SNX3: variants seen among roughly 807,000 people sequenced by gnomAD.
The protein encoded by SNX3 is sorting nexin 3, also known as sorting nexin-3.
SNX3 carries 5 observed loss-of-function variants against 17.7 expected under a neutral mutation model. The observed-to-expected ratio is 0.28, with a 90% CI of 0.15 to 0.59. The LOEUF (loss-of-function observed/expected upper bound fraction) is 0.59. Among genes scored for constraint, SNX3 ranks in the 20% least tolerant of loss-of-function variants. The probability of loss-of-function intolerance (pLI) is 0.88; values close to 1 mark genes in which losing one functional copy is unlikely to be tolerated. For missense variants in SNX3, 132 were observed against 206.8 expected, an observed-to-expected ratio of 0.64 and a Z score of 2.22; for synonymous variants, 91 against 76.5, an observed-to-expected ratio of 1.19 and a Z score of -0.99.
intron 1 of SNX3, among the ~76,000 whole-genome samples, chr6:108,223,716 T>C (rs1247747183): frequency 2.0e-5 from 3 of 151,658 alleles, no homozygotes; most frequent in Non-Finnish European, 4.4e-5. Flanking sequence ...GCCAGGCTGG[T>C]GGTCTCAAAC....
At chr6:108,244,144 TC>T (rs2114751481) in intron 1 of SNX3, among the ~76,000 whole-genome samples, 1 of 152,120 alleles carries the variant, frequency 6.6e-6, no homozygotes, top group African/African-American at 2.4e-5. Flanking sequence ...CCTCTCCAGT[TC>T]TCCCCCGCTT....
chr6:108,260,686 C>T, intron 1 of SNX3, 74 bp downstream of exon 1: 1 of 1,556,044 alleles, frequency 6.4e-7, no homozygotes, highest in Non-Finnish European at 8.8e-7. Context: ...CCGCGGGGGT[C>T]CACTCCCGGG....
At chr6:108,244,449 C>G (rs1775620552) in intron 1 of SNX3, among the ~76,000 whole-genome samples, 1 of 152,056 alleles carries the variant, frequency 6.6e-6, no homozygotes, top group Non-Finnish European at 1.5e-5. Flanking sequence ...GCCACTGTAC[C>G]TGGCCCCTCC....
intron 1 of SNX3, among the ~76,000 whole-genome samples, chr6:108,227,672 G>A (rs377522829): frequency 1.2e-4 from 18 of 152,304 alleles, no homozygotes; most frequent in African/African-American, 4.1e-4. Context: ...CTGCTTTAGA[G>A]TTTAAAGTCA....
chr6:108,227,351 C>T (rs902407219), intron 1 of SNX3, among the ~76,000 whole-genome samples: 2 of 152,160 alleles, frequency 1.3e-5, no homozygotes, highest in Non-Finnish European at 2.9e-5. Flanking sequence ...AATTTTCATA[C>T]TTCTGGGTAC....
chr6:108,255,208 C>G (rs1179656629), intron 1 of SNX3, among the ~76,000 whole-genome samples: 1 of 152,230 alleles, frequency 6.6e-6, no homozygotes, highest in South Asian at 2.1e-4. Flanking sequence ...TAATAGCATG[C>G]TTCTCCTTGA....
chr6:108,246,628 T>C (rs561713030), intron 1 of SNX3, among the ~76,000 whole-genome samples: 5 of 151,234 alleles, frequency 3.3e-5, no homozygotes, highest in Non-Finnish European at 7.4e-5. Context: ...CTGTATCTCC[T>C]GCCTCCCTTT....
chr6:108,249,089 C>T (rs1352476633), intron 1 of SNX3, among the ~76,000 whole-genome samples: 3 of 152,148 alleles, frequency 2.0e-5, no homozygotes, highest in African/African-American at 7.2e-5. Context: ...GGTGTAATGG[C>T]TCACATCTGT....
chr6:108,257,963 A>C (rs1776079274), intron 1 of SNX3, among the ~76,000 whole-genome samples: 1 of 152,120 alleles, frequency 6.6e-6, no homozygotes, highest in Non-Finnish European at 1.5e-5. Flanking sequence ...GCTCTGTCTC[A>C]AAAAGAATAA....
At chr6:108,243,770 T>G (rs531032940) in intron 1 of SNX3, among the ~76,000 whole-genome samples, 1 of 152,054 alleles carries the variant, frequency 6.6e-6, no homozygotes, top group East Asian at 1.9e-4. Flanking sequence ...CCGTCTCTAC[T>G]GCAAATACAA....
intron 1 of SNX3, among the ~76,000 whole-genome samples, chr6:108,231,216 G>A (rs1775141200): frequency 6.6e-6 from 1 of 151,998 alleles, no homozygotes; most frequent in Non-Finnish European, 1.5e-5. Flanking sequence ...CTTCCGAGTA[G>A]CTGGGATTAC....
At chr6:108,260,633 C>T in intron 1 of SNX3, 127 bp downstream of exon 1, 1 of 1,068,410 alleles carries the variant, frequency 9.4e-7, no homozygotes, top group Non-Finnish European at 1.4e-6. Context: ...CGACCCCGGC[C>T]CGCCTCTGCA....
Position 108,260,943 on chromosome 6 carries a change from GCCGCGGGCTCCCTCCGCCCCCT to G in SNX3, c.-44_-23del, listed in dbSNP as rs758398711. ...CCATTTCGCTGTAGCTGCTGCCGCCGCCGCGGGCTCCCTCCGCCCCCTCCGCGTTCAGCCGCCGCCGCCGCCG... is the reference window on the plus strand; with the variant it reads ...CCATTTCGCTGTAGCTGCTGCCGCCGCCGCGTTCAGCCGCCGCCGCCGCCG... On this transcript the variant is annotated 5_prime_UTR_variant, in exon 1 of 4. Coordinates refer to ENST00000230085, the MANE Select transcript of SNX3 (RefSeq NM_003795.6). 1 of 1,544,834 alleles carries G rather than the reference GCCGCGGGCTCCCTCCGCCCCCT, an allele frequency of 6.5e-7. No individual in the cohort carries two copies. The highest frequency in any genetic ancestry group is 8.7e-7 in the Non-Finnish European group (1 of 1,147,468).
chr6:108,252,941 A>G (rs1006366545), intron 1 of SNX3, among the ~76,000 whole-genome samples: 11 of 152,200 alleles, frequency 7.2e-5, no homozygotes, highest in African/African-American at 2.4e-4. Flanking sequence ...CCCGGCCCTA[A>G]GAATAAACTT....
At position 108,216,521 on chromosome 6, in the gene SNX3, C is replaced by T. The variant is rs575857063; in HGVS notation, c.259-1899G>A. On this transcript the variant is annotated intron_variant, in intron 2 of 3. Transcript: ENST00000230085. ...AAAAACTGGGCATACAACAGAAGCT[C>T]AAATATCTGTTAAATGACCAACCAC... 5.8e-4 allele frequency among the ~76,000 whole-genome samples: 88 copies of T among 152,244 alleles called. 1 individual carries two copies. Among genetic ancestry groups the T allele is most frequent in the African/African-American group, 2.0e-3 (83 of 41,542 alleles).
intron 1 of SNX3, among the ~76,000 whole-genome samples, chr6:108,244,598 G>C (rs1373843490): frequency 6.6e-6 from 1 of 150,856 alleles, no homozygotes; most frequent in African/African-American, 2.4e-5. Flanking sequence ...ATCAATCTCT[G>C]GAATAACCAC....
At position 108,211,296 on chromosome 6, in the gene SNX3, T is replaced by C. The variant is rs1774399272; in HGVS notation, c.*853A>G. ...AAATACACAAAGTGCTTCAAAATGA[T>C]TCAATAAGCCTTAAGCAATACATTT... On this transcript the variant is annotated 3_prime_UTR_variant, in exon 4 of 4. Transcript: ENST00000230085. 1 of 152,226 alleles carries C rather than the reference T, an allele frequency of 6.6e-6. No homozygotes were observed. Among genetic ancestry groups the C allele is most frequent in the Non-Finnish European group, 1.5e-5 (1 of 68,044 alleles). 9.4% of individuals were successfully genotyped at this position (152,226 alleles called of 1,614,324 possible).
In SNX3 at chr6:108,211,789, C is replaced by T. The variant is rs934411779; in HGVS notation, c.*360G>A. ...ATTAAAAGGGGGAAAGAGAAATATTCTAGTTAATCAGATGCAAGAAGCAAA... is the reference window on the plus strand; with the variant it reads ...ATTAAAAGGGGGAAAGAGAAATATTTTAGTTAATCAGATGCAAGAAGCAAA... On this transcript the variant is annotated 3_prime_UTR_variant, in exon 4 of 4. Coordinates refer to ENST00000230085, the MANE Select transcript of SNX3 (RefSeq NM_003795.6). 1.7e-5 allele frequency: 3 copies of T among 180,212 alleles called. No homozygotes were observed. Among genetic ancestry groups the T allele is most frequent in the Non-Finnish European group, 3.5e-5 (3 of 86,710 alleles). The allele number at this position is 180,212 out of a possible 1,614,324, so 11.2% of individuals were successfully genotyped here. A position where few individuals can be genotyped will look rare whatever the true frequency, so the allele number is the denominator to read the frequency against.
chr6:108,259,101 C>G (rs1176886836), intron 1 of SNX3, among the ~76,000 whole-genome samples: 1 of 152,098 alleles, frequency 6.6e-6, no homozygotes, highest in Non-Finnish European at 1.5e-5. Context: ...TTTAGTGAAC[C>G]ATCTGTCATG....
Sources: gnomAD v4.1 joint callset for allele counts (sites outside exome capture counted in the v4.1 genomes callset) on GRCh38, gnomAD v4.1.1 for gene constraint, MANE v1.5 for transcripts, NCBI Gene and HGNC (gene_info 2026-07-23, HGNC 2026-07-21) for gene names.